Variants in GALNT13 observed in about 807,000 individuals in gnomAD.
The protein encoded by GALNT13 is UDP-GalNAc:polypeptide N-acetylgalactosaminyltransferase 13.
GALNT13 carries 28 observed loss-of-function variants against 64.2 expected under a neutral mutation model. That is an observed-to-expected ratio of 0.44 (90% CI 0.32 to 0.60). The LOEUF is 0.60. GALNT13 is among the 20% of genes least tolerant of loss of function. The probability of loss-of-function intolerance (pLI) is 0.05; values close to 1 mark genes in which losing one functional copy is unlikely to be tolerated. For synonymous variants in GALNT13, 214 were observed against 224.6 expected, an observed-to-expected ratio of 0.95 and a Z score of 0.42; for missense variants, 577 against 669.8, an observed-to-expected ratio of 0.86 and a Z score of 1.53.
At chr2:154,138,137 CT>C (rs1214135921) in intron 3 of GALNT13, among the ~76,000 whole-genome samples, 1 of 152,082 alleles carries the variant, frequency 6.6e-6, no homozygotes, top group Non-Finnish European at 1.5e-5. Flanking sequence ...TTTACTGCCC[CT>C]AGCTCCCTAC....
the GALNT13 span, among the ~76,000 whole-genome samples, chr2:153,403,068 T>C: frequency 3.3e-5 from 5 of 151,060 alleles, no homozygotes; most frequent in Non-Finnish European, 7.4e-5. Flanking sequence ...TTTATCTACT[T>C]TTGGTCTTTG....
chr2:153,102,649 A>G, the GALNT13 span, among the ~76,000 whole-genome samples: 1 of 151,996 alleles, frequency 6.6e-6, no homozygotes, highest in African/African-American at 2.4e-5. Flanking sequence ...AGCAAATAAT[A>G]CTCTCTCAAT....
chr2:154,270,013 A>C (rs1351983928), intron 8 of GALNT13, among the ~76,000 whole-genome samples: 5 of 149,402 alleles, frequency 3.3e-5, no homozygotes, highest in Non-Finnish European at 7.4e-5. Flanking sequence ...CAAATGTGTT[A>C]GAATTTTATT....
At chr2:153,672,555 G>A in the GALNT13 span, among the ~76,000 whole-genome samples, 11 of 152,308 alleles carry the variant, frequency 7.2e-5, no homozygotes, top group Non-Finnish European at 1.3e-4. Context: ...CTAAAGCAGT[G>A]TGTAGGGGGA....
chr2:153,779,956 G>A, the GALNT13 span, among the ~76,000 whole-genome samples: 28 of 151,942 alleles, frequency 1.8e-4, no homozygotes, highest in East Asian at 1.6e-3. Flanking sequence ...TGTGGTGAAC[G>A]TAATGTATTC....
chr2:154,205,746 G>T (rs981663902), intron 4 of GALNT13, among the ~76,000 whole-genome samples: 1 of 152,048 alleles, frequency 6.6e-6, no homozygotes, highest in South Asian at 2.1e-4. Context: ...ATCAGATCTC[G>T]TGAGACTCAT....
chr2:153,391,553 T>TTTGGATTTGAAACATGAA, the GALNT13 span, among the ~76,000 whole-genome samples: 1 of 152,142 alleles, frequency 6.6e-6, no homozygotes, highest in African/African-American at 2.4e-5. Context: ...AATGTTTCTC[T>TTTGGATTTGAAACATGAA]AATTTATCAT....
chr2:154,417,820 A>G (rs115439307), intron 11 of GALNT13, among the ~76,000 whole-genome samples: 1,561 of 151,964 alleles, frequency 0.01, 26 homozygotes, highest in African/African-American at 0.035. Flanking sequence ...CCACTTTTAG[A>G]ACTATGTAAA....
chr2:153,725,851 A>G, the GALNT13 span, among the ~76,000 whole-genome samples: 2 of 135,652 alleles, frequency 1.5e-5, no homozygotes, highest in African/African-American at 6.5e-5. Context: ...CTCTTTGTGA[A>G]ATAAATTATA....
chr2:153,512,864 C>T, the GALNT13 span, among the ~76,000 whole-genome samples: 1 of 152,058 alleles, frequency 6.6e-6, no homozygotes, highest in African/African-American at 2.4e-5. Flanking sequence ...TGTTTTCTGC[C>T]CAGCTGAGTT....
chr2:153,118,145 A>ACACACCC, the GALNT13 span, among the ~76,000 whole-genome samples: 17 of 147,470 alleles, frequency 1.2e-4, no homozygotes, highest in African/African-American at 4.2e-4. Flanking sequence ...ACACACACAC[A>ACACACCC]CCCCACATAA....
chr2:153,958,090 C>T (rs139927206), intron 3 of GALNT13, among the ~76,000 whole-genome samples: 22 of 152,332 alleles, frequency 1.4e-4, no homozygotes, highest in African/African-American at 4.8e-4. Context: ...ATGGGGCTGA[C>T]TCCTGGTGGT....
the GALNT13 span, among the ~76,000 whole-genome samples, chr2:153,175,382 G>A: frequency 6.6e-6 from 1 of 152,140 alleles, no homozygotes; most frequent in Admixed American, 6.5e-5. Context: ...GCATACACAA[G>A]AGTGTAATTT....
chr2:153,668,335 T>C, the GALNT13 span, among the ~76,000 whole-genome samples: 2 of 152,198 alleles, frequency 1.3e-5, no homozygotes, highest in Non-Finnish European at 2.9e-5. Flanking sequence ...ACACATACTC[T>C]AAAATTGACC....
the GALNT13 span, among the ~76,000 whole-genome samples, chr2:153,371,569 A>G: frequency 1.3e-5 from 2 of 152,324 alleles, no homozygotes; most frequent in Admixed American, 6.5e-5. Context: ...ACCATAATAA[A>G]CATGTTGACA....
At chr2:153,192,159 T>C in the GALNT13 span, among the ~76,000 whole-genome samples, 1 of 151,972 alleles carries the variant, frequency 6.6e-6, no homozygotes, top group African/African-American at 2.4e-5. Context: ...CTTTCTACTT[T>C]TTTGATGTGG....
At chr2:154,409,126 T>C (rs1350220563) in intron 11 of GALNT13, 44 bp downstream of exon 11, 1 of 1,216,154 alleles carries the variant, frequency 8.2e-7, no homozygotes, top group East Asian at 2.3e-5. Context: ...AGAGGGAAAA[T>C]ATTGTTAAAA....
At chr2:153,979,129 A>C (rs946137273) in intron 3 of GALNT13, among the ~76,000 whole-genome samples, 1 of 152,136 alleles carries the variant, frequency 6.6e-6, no homozygotes, top group African/African-American at 2.4e-5. Context: ...TTTTAAATCT[A>C]GGTTACTTTT....
At chr2:153,830,847 C>T in the GALNT13 span, among the ~76,000 whole-genome samples, 8 of 152,024 alleles carry the variant, frequency 5.3e-5, no homozygotes, top group African/African-American at 1.9e-4. Context: ...TAATGTTGCT[C>T]TTTATATGTG....
Sources: allele counts gnomAD v4.1 joint callset (sites outside exome capture counted in the v4.1 genomes callset), GRCh38; gene constraint gnomAD v4.1.1; transcripts MANE v1.5; gene names NCBI Gene and HGNC (gene_info 2026-07-23, HGNC 2026-07-21).